ARFGEF2: variants seen among roughly 807,000 people sequenced by gnomAD.
The protein encoded by ARFGEF2 is ARF guanine nucleotide exchange factor 2, also known as brefeldin A-inhibited guanine nucleotide-exchange protein 2.
Under a neutral mutation model 219.9 loss-of-function variants are expected in ARFGEF2, and 74 were observed. That is an observed-to-expected ratio of 0.34 (90% confidence interval 0.28 to 0.41). ARFGEF2 has a LOEUF of 0.41. Ranked by LOEUF, ARFGEF2 falls within the 10% of genes least tolerant of loss-of-function variation. ARFGEF2 has a pLI of 1.00. For missense variants in ARFGEF2, 1,743 were observed against 2,218.3 expected, an observed-to-expected ratio of 0.79 and a Z score of 4.30; for synonymous variants, 733 against 799.2, an observed-to-expected ratio of 0.92 and a Z score of 1.40.
chr20:49,006,494 G>A (rs2091460107), intron 26 of ARFGEF2, among the ~76,000 whole-genome samples: 1 of 152,070 alleles, frequency 6.6e-6, no homozygotes, highest in Non-Finnish European at 1.5e-5. Flanking sequence ...ATCAGTGGTG[G>A]TAATGGGCTC....
At chr20:49,022,691 A>T (rs2091573379) in intron 34 of ARFGEF2, among the ~76,000 whole-genome samples, 1 of 152,208 alleles carries the variant, frequency 6.6e-6, no homozygotes, top group Non-Finnish European at 1.5e-5. Context: ...GACACTTTCT[A>T]TCCCTGTCTC....
At chr20:48,923,908 C>T (rs2123255842) in intron 1 of ARFGEF2, among the ~76,000 whole-genome samples, 1 of 152,200 alleles carries the variant, frequency 6.6e-6, no homozygotes, top group South Asian at 2.1e-4. Context: ...TTTCCTAACA[C>T]AAGTAGTGGA....
chr20:48,982,075 GA>G (rs2123444985), intron 14 of ARFGEF2, among the ~76,000 whole-genome samples: 1 of 152,302 alleles, frequency 6.6e-6, no homozygotes, highest in East Asian at 1.9e-4. Context: ...CTGGTTTTTA[GA>G]ATTTTCAGCT....
In ARFGEF2 at chr20:48,984,816, G is replaced by T; in HGVS notation, c.2046G>T (p.Leu682=). ...GTSVEDIAQF[L]HQEERLDSTQ... ...CAGTTGAAGACATAGCCCAATTCCTGCACCAGGAGGAGCGCCTGGATTCCG... is the reference window on the plus strand; with the variant it reads ...CAGTTGAAGACATAGCCCAATTCCTTCACCAGGAGGAGCGCCTGGATTCCG... Residue 682 remains leucine, a synonymous_variant, in exon 15 of 39, where the codon CTG becomes CTT. Transcript: ENST00000371917. 6.2e-7 allele frequency: 1 copy of T among 1,612,926 alleles called. No homozygotes were observed. Among genetic ancestry groups the T allele is most frequent in the Non-Finnish European group, 8.5e-7 (1 of 1,180,028 alleles).
At chr20:48,933,078 T>C (rs1202030065) in intron 1 of ARFGEF2, among the ~76,000 whole-genome samples, 4 of 152,122 alleles carry the variant, frequency 2.6e-5, no homozygotes, top group African/African-American at 9.7e-5. Context: ...TGGAGGTGTG[T>C]GACCCGAGCG....
chr20:48,949,764 A>G (rs1307448587), intron 3 of ARFGEF2, among the ~76,000 whole-genome samples: 3 of 152,122 alleles, frequency 2.0e-5, no homozygotes, highest in Non-Finnish European at 2.9e-5. Context: ...TAACCTCAGG[A>G]ACCTGAGTCC....
chr20:48,990,682 C>A (rs2091352669), intron 20 of ARFGEF2, among the ~76,000 whole-genome samples: 1 of 152,186 alleles, frequency 6.6e-6, no homozygotes, highest in Admixed American at 6.5e-5. Context: ...CAATTCATTT[C>A]CTCATTTGTA....
Position 48,936,673 on chromosome 20 carries a change from C to T in ARFGEF2, c.122-4526C>T, listed in dbSNP as rs527548526. On this transcript the variant is annotated intron_variant, in intron 1 of 38. Coordinates refer to ENST00000371917, the MANE Select transcript of ARFGEF2 (RefSeq NM_006420.3). ...CTGAGTAGCTGGGACTACAGGCGTG[C>T]ACCACCACGCCCAGCTAATTTTTTT... Among the ~76,000 whole-genome samples the T allele has an allele frequency of 8.5e-5, 13 of 152,232 alleles. No individual in the cohort carries two copies. The East Asian group carries it at 2.1e-3, about 25-fold the overall frequency.
chr20:48,941,340 G>A, intron 2 of ARFGEF2, 111 bp downstream of exon 2: 1 of 1,148,140 alleles, frequency 8.7e-7, no homozygotes, highest in Non-Finnish European at 1.3e-6. Context: ...CTCAGGGGTG[G>A]CACACACTCT....
chr20:49,015,475 G>A (rs1168562669), intron 30 of ARFGEF2, among the ~76,000 whole-genome samples: 2 of 152,200 alleles, frequency 1.3e-5, no homozygotes, highest in African/African-American at 4.8e-5. Flanking sequence ...ATGTTCCACA[G>A]CTTATGAACA....
intron 14 of ARFGEF2, among the ~76,000 whole-genome samples, chr20:48,982,607 G>T (rs2091303391): frequency 6.6e-6 from 1 of 152,194 alleles, no homozygotes; most frequent in East Asian, 1.9e-4. Flanking sequence ...CAGAGGTAGG[G>T]TCTATAGAGG....
At chr20:48,985,745 G>A in intron 16 of ARFGEF2, 132 bp downstream of exon 16, 1 of 969,942 alleles carries the variant, frequency 1.0e-6, no homozygotes. Flanking sequence ...CGTGTGCCAG[G>A]CACTGTGCTA....
chr20:48,973,909 A>G (rs1234859687), intron 12 of ARFGEF2, among the ~76,000 whole-genome samples: 1 of 152,060 alleles, frequency 6.6e-6, no homozygotes, highest in African/African-American at 2.4e-5. Context: ...ATGATCTGCA[A>G]CTCATATTCA....
rs540122751 is a variant in ARFGEF2 at position 49,008,082 on chromosome 20, TA to T, written c.3585-2149del. On this transcript the variant is annotated intron_variant, in intron 26 of 38. Transcript: ENST00000371917. ...TAAGTGTCAAGAATCCTGATATTTT[TA>T]TGCCCCTTTGACTCAGTAATTCCAC... Among the ~76,000 whole-genome samples, 31 of 152,344 alleles carry T rather than the reference TA, an allele frequency of 2.0e-4. No homozygotes were observed. In the South Asian group the frequency reaches 6.0e-3, roughly 30 times the overall value.
intron 27 of ARFGEF2, 152 bp downstream of exon 27, chr20:49,010,556 G>A: frequency 1.1e-6 from 1 of 881,060 alleles, no homozygotes; most frequent in Non-Finnish European, 1.8e-6. Flanking sequence ...CGCTTGATGA[G>A]TATTAATCTT....
chr20:49,009,582 C>T (rs2091483401), intron 26 of ARFGEF2, among the ~76,000 whole-genome samples: 2 of 152,198 alleles, frequency 1.3e-5, no homozygotes, highest in South Asian at 2.1e-4. Flanking sequence ...TAAGGTTCCT[C>T]CATAATTGTA....
intron 9 of ARFGEF2, among the ~76,000 whole-genome samples, chr20:48,970,333 G>A (rs1358467266): frequency 4.0e-5 from 6 of 151,444 alleles, no homozygotes; most frequent in African/African-American, 9.7e-5. Flanking sequence ...AAAATAGGCC[G>A]GGCGCGGTAG....
At chr20:48,974,631 G>A (rs2091249524) in intron 12 of ARFGEF2, 135 bp from the exon 13 acceptor site, 1 of 711,038 alleles carries the variant, frequency 1.4e-6, no homozygotes, top group Admixed American at 2.1e-5. Context: ...TTAGCTCTGG[G>A]TTTGTTTCAT....
At chr20:49,021,929 C>T (rs541544345) in intron 34 of ARFGEF2, among the ~76,000 whole-genome samples, 22 of 148,506 alleles carry the variant, frequency 1.5e-4, no homozygotes, top group Middle Eastern at 3.9e-3. Flanking sequence ...GGGCAGATCA[C>T]CTGAGGTCAG....
Sources: allele counts gnomAD v4.1 joint callset (sites outside exome capture counted in the v4.1 genomes callset), GRCh38; gene constraint gnomAD v4.1.1; transcripts MANE v1.5; gene names NCBI Gene and HGNC (gene_info 2026-07-23, HGNC 2026-07-21).